TNR: variants seen among roughly 807,000 people sequenced by gnomAD.
The protein encoded by TNR is tenascin R.
Under a neutral mutation model 150.4 loss-of-function variants are expected in TNR, and 45 were observed. The ratio of observed to expected loss-of-function variants is 0.30; its 90% CI spans 0.24 to 0.38. TNR has a LOEUF of 0.38. Among genes scored for constraint, TNR ranks in the 10% least tolerant of loss-of-function variants. The pLI, the probability that TNR is intolerant of heterozygous loss-of-function variation, is 1.00. For synonymous variants in TNR, 687 were observed against 678.4 expected (o/e 1.01, Z -0.20); for missense variants, 1,544 against 1,759.1 (o/e 0.88, Z 2.19).
chr1:175,729,513 C>T (rs1036990262), intron 1 of TNR, among the ~76,000 whole-genome samples: 30 of 152,010 alleles, frequency 2.0e-4, no homozygotes, highest in African/African-American at 6.5e-4. Context: ...ACTGCAACGT[C>T]GAACTTCTGG....
intron 2 of TNR, among the ~76,000 whole-genome samples, chr1:175,502,899 A>G (rs1658796422): frequency 6.6e-6 from 1 of 151,966 alleles, no homozygotes; most frequent in Non-Finnish European, 1.5e-5. Context: ...GGATGGATGG[A>G]CCCCCTAGAC....
intron 2 of TNR, among the ~76,000 whole-genome samples, chr1:175,407,390 G>A (rs917143886): frequency 2.0e-5 from 3 of 152,090 alleles, no homozygotes; most frequent in Non-Finnish European, 4.4e-5. Flanking sequence ...TAATCTTCTT[G>A]TCAGTATAGT....
At chr1:175,629,739 T>C (rs986172658) in intron 1 of TNR, among the ~76,000 whole-genome samples, 1 of 152,006 alleles carries the variant, frequency 6.6e-6, no homozygotes, top group Admixed American at 6.6e-5. Context: ...CCAGTGGAAA[T>C]AGGGTTAGAG....
chr1:175,408,615 C>A (rs1249718705), intron 2 of TNR, among the ~76,000 whole-genome samples: 1 of 152,200 alleles, frequency 6.6e-6, no homozygotes, highest in Admixed American at 6.5e-5. Context: ...TCAGCTCTTT[C>A]ATTTTCTAGC....
At chr1:175,616,199 C>T (rs1378365601) in intron 1 of TNR, among the ~76,000 whole-genome samples, 1 of 152,122 alleles carries the variant, frequency 6.6e-6, no homozygotes, top group African/African-American at 2.4e-5. Flanking sequence ...GAAGTATTCT[C>T]TGGGGGATGC....
chr1:175,684,378 G>T (rs984709239), intron 1 of TNR, among the ~76,000 whole-genome samples: 12 of 151,992 alleles, frequency 7.9e-5, no homozygotes, highest in Non-Finnish European at 1.5e-4. Flanking sequence ...GTGAGGAATG[G>T]GTTTCATCCA....
chr1:175,682,877 A>G (rs1666079819), intron 1 of TNR, among the ~76,000 whole-genome samples: 1 of 152,166 alleles, frequency 6.6e-6, no homozygotes, highest in Admixed American at 6.5e-5. Flanking sequence ...CTTTTCAAAC[A>G]TCCAAAGCCT....
chr1:175,651,922 T>A (rs925478868), intron 1 of TNR, among the ~76,000 whole-genome samples: 1 of 151,466 alleles, frequency 6.6e-6, no homozygotes, highest in Admixed American at 6.6e-5. Flanking sequence ...TCTGTTCAAA[T>A]TACTATGTTC....
chr1:175,472,412 A>G (rs969090685), intron 2 of TNR, among the ~76,000 whole-genome samples: 4 of 152,248 alleles, frequency 2.6e-5, no homozygotes, highest in African/African-American at 9.6e-5. Context: ...CATAGTAAAT[A>G]TATAAAATAG....
intron 22 of TNR, 76 bp downstream of exon 22, chr1:175,324,280 T>C (rs2101978189): frequency 6.8e-7 from 1 of 1,479,358 alleles, no homozygotes; most frequent in Non-Finnish European, 9.1e-7. Flanking sequence ...TCACATGTGC[T>C]TTTAAAATAT....
rs554653073 is a variant in TNR, at chr1:175,368,997, C to A, written c.1964-1700G>T. ...AGTAAACAAAAACAAAACAAAAAAA[C>A]CCAACAAAATCAAGTGATCACCCTG... On this transcript the variant is annotated intron_variant, in intron 9 of 22. Transcript: ENST00000367674. Among the ~76,000 whole-genome samples, 11 of 152,126 alleles carry A rather than the reference C, an allele frequency of 7.2e-5. No individual in the cohort carries two copies. The South Asian group carries it at 8.3e-4, about 12-fold the overall frequency.
At position 175,316,923 on chromosome 1, in the gene TNR, A is replaced by G. The variant is rs1254242466; in HGVS notation, c.*6434T>C. 2.0e-5 allele frequency: 3 copies of G among 152,214 alleles called. No individual in the cohort carries two copies. The highest frequency in any genetic ancestry group is 4.4e-5 in the Non-Finnish European group (3 of 68,026). The allele number at this position is 152,214 out of a possible 1,614,324, so 9.4% of individuals were successfully genotyped here. A position where few individuals can be genotyped will look rare whatever the true frequency, so the allele number is the denominator to read the frequency against. ...GGCATCAAAGCCCCCTTGTAAGAAT[A>G]TTAGTAAAATCCAAGATGGTGGTCA... On this transcript the variant is annotated 3_prime_UTR_variant, in exon 23 of 23. Transcript: ENST00000367674.
intron 2 of TNR, among the ~76,000 whole-genome samples, chr1:175,486,088 A>G (rs1380367867): frequency 1.3e-5 from 2 of 151,388 alleles, no homozygotes; most frequent in African/African-American, 4.9e-5. Context: ...TTGGGATGAA[A>G]CTGTTCCACC....
At chr1:175,464,174 A>C (rs889536135) in intron 2 of TNR, among the ~76,000 whole-genome samples, 10 of 152,364 alleles carry the variant, frequency 6.6e-5, no homozygotes, top group African/African-American at 2.4e-4. Context: ...ATAATCAAGG[A>C]AAAGAATTAT....
At chr1:175,416,466 C>A (rs1317590202) in intron 2 of TNR, among the ~76,000 whole-genome samples, 1 of 152,170 alleles carries the variant, frequency 6.6e-6, no homozygotes, top group South Asian at 2.1e-4. Context: ...AAGCACCTGA[C>A]CTTTTGCTAT....
At chr1:175,620,668 C>G (rs1276705789) in intron 1 of TNR, among the ~76,000 whole-genome samples, 1 of 152,114 alleles carries the variant, frequency 6.6e-6, no homozygotes, top group African/African-American at 2.4e-5. Context: ...AGACTGAGGA[C>G]CTAGGATGCG....
intron 1 of TNR, among the ~76,000 whole-genome samples, chr1:175,655,826 T>C (rs1486367662): frequency 6.6e-6 from 1 of 152,172 alleles, no homozygotes; most frequent in Admixed American, 6.5e-5. Flanking sequence ...GAGAGAGGTT[T>C]GTCACCCTTT....
chr1:175,712,966 C>T (rs949173577), intron 1 of TNR, among the ~76,000 whole-genome samples: 1 of 152,164 alleles, frequency 6.6e-6, no homozygotes, highest in Non-Finnish European at 1.5e-5. Flanking sequence ...TCTATAGGCT[C>T]CTGGCTGGGG....
intron 9 of TNR, among the ~76,000 whole-genome samples, chr1:175,377,623 G>A (rs1234502858): frequency 6.6e-6 from 1 of 152,008 alleles, no homozygotes; most frequent in South Asian, 2.1e-4. Context: ...TTAGGAGTGC[G>A]TCTGTCTGGA....
Sources: allele counts gnomAD v4.1 joint callset (sites outside exome capture counted in the v4.1 genomes callset), GRCh38; gene constraint gnomAD v4.1.1; transcripts MANE v1.5; gene names NCBI Gene and HGNC (gene_info 2026-07-23, HGNC 2026-07-21).